Variants in SCMH1 observed in about 807,000 individuals in gnomAD.
The protein encoded by SCMH1 is polycomb protein SCMH1.
In SCMH1, 37 loss-of-function variants were observed where a neutral mutation model predicts 70.8. That is an observed-to-expected ratio of 0.52 (90% CI 0.40 to 0.69). The LOEUF (loss-of-function observed/expected upper bound fraction) is 0.69, where lower values mean the gene tolerates loss of function less well. Among genes scored for constraint, SCMH1 ranks in the 30% least tolerant of loss-of-function variants. The pLI, the probability that SCMH1 is intolerant of heterozygous loss-of-function variation, is 0.00. For synonymous variants in SCMH1, 292 were observed against 307.4 expected (o/e 0.95, Z 0.52); for missense variants, 607 against 827.3 (o/e 0.73, Z 3.27).
intron 4 of SCMH1, among the ~76,000 whole-genome samples, chr1:41,153,092 A>G (rs537833696): frequency 6.6e-6 from 1 of 152,362 alleles, no homozygotes; most frequent in Admixed American, 6.5e-5. Flanking sequence ...GTTTGCTGTT[A>G]GAAAAATAAA....
At chr1:41,193,870 G>A (rs1652353791) in intron 1 of SCMH1, among the ~76,000 whole-genome samples, 1 of 152,104 alleles carries the variant, frequency 6.6e-6, no homozygotes, top group Admixed American at 6.5e-5. Context: ...GTCAAGATCT[G>A]AATTATTTAT....
chr1:41,096,709 G>A (rs1665169310), intron 8 of SCMH1, among the ~76,000 whole-genome samples: 1 of 152,118 alleles, frequency 6.6e-6, no homozygotes, highest in Admixed American at 6.5e-5. Context: ...ACAGTCAAAG[G>A]GAATCCTGTT....
Position 41,044,473 on chromosome 1 carries a change from A to G in SCMH1, c.1498+1934T>C, listed in dbSNP as rs150792649. ...GGAAGGCAGGCAGGCAAGCAGGCAG[A>G]AAGGATACACTAAGAAGCACAGAGG... is the stretch of plus-strand genomic sequence containing the variant. On this transcript the variant is annotated intron_variant, in intron 12 of 14. Coordinates refer to ENST00000337495, the Ensembl canonical transcript of SCMH1. Among the ~76,000 whole-genome samples, 6 of 152,224 alleles carry G rather than the reference A, an allele frequency of 3.9e-5. No individual in the cohort carries two copies. In the East Asian group the frequency reaches 1.2e-3, roughly 29 times the overall value.
intron 5 of SCMH1, among the ~76,000 whole-genome samples, chr1:41,145,120 T>G (rs1644435424): frequency 6.6e-6 from 1 of 152,158 alleles, no homozygotes; most frequent in South Asian, 2.1e-4. Context: ...TTTCTTTTGT[T>G]GTTTATGTTT....
chr1:41,052,360 C>T (rs896522339), intron 10 of SCMH1, among the ~76,000 whole-genome samples: 2 of 152,168 alleles, frequency 1.3e-5, no homozygotes, highest in Non-Finnish European at 2.9e-5. Context: ...TTGTAAACTG[C>T]GCATGCAACG....
At chr1:41,056,836 A>C (rs929434569) in intron 10 of SCMH1, among the ~76,000 whole-genome samples, 3 of 152,208 alleles carry the variant, frequency 2.0e-5, no homozygotes, top group Admixed American at 2.0e-4. Context: ...CCAGGAGCTC[A>C]ACCGGATTCT....
exon 3 of SCMH1, chr1:41,161,389 T>A: frequency 6.4e-7 from 1 of 1,550,636 alleles, no homozygotes; most frequent in East Asian, 2.4e-5. Flanking sequence ...CAGACTCTGA[T>A]AGGTGACCAT....
chr1:41,211,237 GA>G (rs1453322739), intron 1 of SCMH1, among the ~76,000 whole-genome samples: 2 of 152,194 alleles, frequency 1.3e-5, no homozygotes, highest in African/African-American at 4.8e-5. Flanking sequence ...GCAATCTACA[GA>G]ATGGGAGAAA....
At chr1:41,065,506 TATG>T (rs1654284769) in intron 10 of SCMH1, among the ~76,000 whole-genome samples, 2 of 152,316 alleles carry the variant, frequency 1.3e-5, no homozygotes, top group East Asian at 3.9e-4. Context: ...CTAAACTTTA[TATG>T]AAGAGGCAAA....
chr1:41,112,301 A>G (rs1669441255), intron 8 of SCMH1, among the ~76,000 whole-genome samples: 1 of 152,194 alleles, frequency 6.6e-6, no homozygotes, highest in Non-Finnish European at 1.5e-5. Context: ...TGAATTCAAC[A>G]GAGGTTTAGA....
chr1:41,213,695 C>A (rs912263443), intron 1 of SCMH1, among the ~76,000 whole-genome samples: 1 of 152,136 alleles, frequency 6.6e-6, no homozygotes, highest in African/African-American at 2.4e-5. Context: ...TCACATCTAG[C>A]ATAAAAATAT....
chr1:41,044,430 AAGGCAGGCAAGC>A (rs1166265129), intron 12 of SCMH1, among the ~76,000 whole-genome samples: 1 of 152,068 alleles, frequency 6.6e-6, no homozygotes, highest in African/African-American at 2.4e-5. Flanking sequence ...AAGGGTCAGT[AAGGCAGGCAAGC>A]AGGCAGGAAG....
At chr1:41,130,522 T>C (rs1385969971) in intron 6 of SCMH1, among the ~76,000 whole-genome samples, 3 of 152,140 alleles carry the variant, frequency 2.0e-5, no homozygotes, top group African/African-American at 7.2e-5. Context: ...ACATTTTGAG[T>C]TAATTTTTGT....
Position 41,063,562 on chromosome 1 carries a change from T to TAAAC in SCMH1, c.1105+7029_1105+7032dup, listed in dbSNP as rs142137886. ...TCAATTATATTCTAGCCAGGCTAAC[T>TAAAC]AAACAAACAAACAAACAAACAAAAA... On this transcript the variant is annotated intron_variant, in intron 10 of 14. Transcript: ENST00000337495. Among the ~76,000 whole-genome samples, 9 of 151,210 alleles carry TAAAC rather than the reference T, an allele frequency of 6.0e-5. No individual in the cohort carries two copies. The South Asian group carries it at 1.3e-3, about 21-fold the overall frequency.
intron 10 of SCMH1, among the ~76,000 whole-genome samples, chr1:41,070,252 T>C (rs1306547682): frequency 1.3e-5 from 2 of 151,948 alleles, no homozygotes; most frequent in South Asian, 2.1e-4. Flanking sequence ...ATTTCATACA[T>C]ATTTTAAGGG....
intron 8 of SCMH1, among the ~76,000 whole-genome samples, chr1:41,080,959 G>A (rs1659827449): frequency 1.3e-5 from 2 of 152,032 alleles, no homozygotes; most frequent in Admixed American, 1.3e-4. Flanking sequence ...CAGACTGTAA[G>A]GGAAGAAGCA....
intron 12 of SCMH1, chr1:41,043,746 T>C (rs1486452809): frequency 1.3e-5 from 2 of 152,086 alleles, no homozygotes; most frequent in Non-Finnish European, 2.9e-5. Context: ...TTAGTTTTTA[T>C]TTATGTTAAA....
At chr1:41,230,773 T>C (rs1661149416) in intron 1 of SCMH1, among the ~76,000 whole-genome samples, 1 of 152,180 alleles carries the variant, frequency 6.6e-6, no homozygotes, top group Non-Finnish European at 1.5e-5. Context: ...CAGACTTACT[T>C]AGAGAGCTTT....
chr1:41,093,083 T>C (rs1358985608), intron 8 of SCMH1, among the ~76,000 whole-genome samples: 2 of 151,372 alleles, frequency 1.3e-5, no homozygotes, highest in Non-Finnish European at 2.9e-5. Context: ...CATATGTTTA[T>C]TGCGGCACTA....
Sources: allele counts gnomAD v4.1 joint callset (sites outside exome capture counted in the v4.1 genomes callset), GRCh38; gene constraint gnomAD v4.1.1; transcripts MANE v1.5; gene names NCBI Gene and HGNC (gene_info 2026-07-23, HGNC 2026-07-21).